IL7: variants seen among roughly 807,000 people sequenced by gnomAD.
IL7 encodes interleukin 7.
A neutral mutation model predicts 21.6 loss-of-function variants in IL7; 3 were observed. That is an observed-to-expected ratio of 0.14 (90% confidence interval 0.06 to 0.36). The LOEUF (loss-of-function observed/expected upper bound fraction) is 0.36, where lower values mean the gene tolerates loss of function less well. Among genes scored for constraint, IL7 ranks in the 10% least tolerant of loss-of-function variants. IL7 has a pLI of 1.00. For synonymous variants in IL7, 62 were observed against 68.1 expected (o/e 0.91, Z 0.44); for missense variants, 175 against 200.2 (o/e 0.87, Z 0.76).
chr8:78,804,254 G>A (rs1419050285), intron 1 of IL7, among the ~76,000 whole-genome samples: 1 of 151,990 alleles, frequency 6.6e-6, no homozygotes, highest in Non-Finnish European at 1.5e-5. Context: ...ATCAAGAAGC[G>A]CCCGTAGGAA....
At chr8:78,729,197 A>G (rs1174066717), downstream of IL7, among the ~76,000 whole-genome samples, 2 of 151,906 alleles carry the variant, frequency 1.3e-5, no homozygotes, top group African/African-American at 4.8e-5. Flanking sequence ...CTAAAATACC[A>G]CCTTTCTCCA....
intron 5 of IL7, among the ~76,000 whole-genome samples, chr8:78,734,915 T>C (rs940020721): frequency 2.0e-4 from 30 of 152,282 alleles, no homozygotes; most frequent in Non-Finnish European, 2.9e-4. Context: ...CAAGTAAATA[T>C]AATGACTGAA....
downstream of IL7, among the ~76,000 whole-genome samples, chr8:78,716,146 G>A (rs577092956): frequency 1.4e-4 from 21 of 149,460 alleles, no homozygotes; most frequent in Non-Finnish European, 2.4e-4. Flanking sequence ...TTTTTAAGAC[G>A]GAGTCTCGCT....
chr8:78,707,792 C>CAT (rs1346055719), intron 3 of IL7, among the ~76,000 whole-genome samples: 1 of 151,742 alleles, frequency 6.6e-6, no homozygotes, highest in Non-Finnish European at 1.5e-5. Context: ...CATTGTGTTA[C>CAT]TGTATTAAAT....
chr8:78,802,680 ACCT>A (rs1490949892), intron 1 of IL7, among the ~76,000 whole-genome samples: 1 of 152,030 alleles, frequency 6.6e-6, no homozygotes. Flanking sequence ...TGATCTGCCC[ACCT>A]CAGCCTCCCC....
chr8:78,764,213 T>C (rs1242195634), intron 2 of IL7, among the ~76,000 whole-genome samples: 2 of 152,182 alleles, frequency 1.3e-5, no homozygotes, highest in Middle Eastern at 3.4e-3. Context: ...AAAGGACATC[T>C]ACAAAAGTCC....
chr8:78,710,473 C>T lies in IL7; in HGVS notation n.214+10875G>A, dbSNP rs375020476. Among the ~76,000 whole-genome samples, 5 of 151,862 alleles carry T rather than the reference C, an allele frequency of 3.3e-5. No individual in the cohort carries two copies. The South Asian group carries it at 8.3e-4, about 25-fold the overall frequency. ...TTTTTATTATATTTTACACATCTTT[C>T]TTGAACTGAACTTTGTTGTATCACA... On this transcript the variant is annotated intron_variant and non_coding_transcript_variant, in intron 3 of 4. Coordinates refer to the IL7 transcript ENST00000523959.
At chr8:78,734,367 C>T (rs1030289329) in intron 5 of IL7, among the ~76,000 whole-genome samples, 3 of 152,110 alleles carry the variant, frequency 2.0e-5, no homozygotes, top group Non-Finnish European at 4.4e-5. Context: ...GCTACCTGTA[C>T]AACCTGTAGG....
At position 78,724,773 on chromosome 8, in the gene IL7, C is replaced by T. The variant is rs377315854; in HGVS notation, n.268-3333G>A. Among the ~76,000 whole-genome samples the T allele has an allele frequency of 6.5e-4, 99 of 152,076 alleles. No homozygotes were observed. The Middle Eastern group carries it at 0.01, about 16-fold the overall frequency. ...TGAGGCAGTCTATTCTCATGCCGTT[C>T]CCTTTTAGTAAACACTGTCATGTTT... On this transcript the variant is annotated intron_variant and non_coding_transcript_variant, in intron 3 of 6. Coordinates refer to the IL7 transcript ENST00000519833.
At chr8:78,767,270 C>G (rs1351613248) in intron 2 of IL7, among the ~76,000 whole-genome samples, 2 of 151,298 alleles carry the variant, frequency 1.3e-5, no homozygotes, top group Non-Finnish European at 3.0e-5. Flanking sequence ...ACAGTGTGAA[C>G]AAGTGAGTGT....
chr8:78,791,541 G>C lies in IL7; in HGVS notation c.147+6531C>G, dbSNP rs1272583101. Among the ~76,000 whole-genome samples the C allele has an allele frequency of 2.0e-5, 3 of 152,188 alleles. No homozygotes were observed. The East Asian group carries it at 5.8e-4, about 29-fold the overall frequency. On this transcript the variant is annotated intron_variant, in intron 2 of 5. Transcript: ENST00000263851. ...TGTAATCCTAGCTACTTGGTAGGCA[G>C]AAGCACAAGAATTGCTTGAACCTGG... is the stretch of plus-strand genomic sequence containing the variant.
At chr8:78,723,742 A>G (rs892031221) in intron 3 of IL7, 4 of 193,732 alleles carry the variant, frequency 2.1e-5, no homozygotes, top group Admixed American at 1.1e-4. Flanking sequence ...TGCAAATATC[A>G]TATATGAGGA....
intron 3 of IL7, 43 bp from the exon 4 acceptor site, chr8:78,738,678 T>C: frequency 2.5e-6 from 4 of 1,578,904 alleles, no homozygotes; most frequent in Non-Finnish European, 3.4e-6. Context: ...TCAAATAAAA[T>C]ATTAAGAAAT....
intron 3 of IL7, among the ~76,000 whole-genome samples, chr8:78,697,985 T>C (rs1810485254): frequency 6.6e-6 from 1 of 152,144 alleles, no homozygotes; most frequent in South Asian, 2.1e-4. Flanking sequence ...CGAGCCACTT[T>C]TTTGTTGTTT....
At chr8:78,701,126 A>C (rs1271078574) in intron 3 of IL7, among the ~76,000 whole-genome samples, 1 of 152,240 alleles carries the variant, frequency 6.6e-6, no homozygotes, top group East Asian at 1.9e-4. Context: ...ATCCATGAGC[A>C]TGGAATATTT....
intron 6 of IL7, chr8:78,718,690 T>G (rs761550002): frequency 3.3e-5 from 5 of 151,874 alleles, no homozygotes; most frequent in Non-Finnish European, 7.4e-5. Flanking sequence ...TTTAATTATT[T>G]TTTTCTCTTT....
At position 78,797,635 on chromosome 8, in the gene IL7, A is replaced by G. The variant is rs534794710; in HGVS notation, c.147+437T>C. Among the ~76,000 whole-genome samples the G allele has an allele frequency of 3.9e-5, 6 of 152,096 alleles. No individual in the cohort carries two copies. In the South Asian group the frequency reaches 1.2e-3, roughly 32 times the overall value. On this transcript the variant is annotated intron_variant, in intron 2 of 5. Coordinates refer to ENST00000263851, the MANE Select transcript of IL7 (RefSeq NM_000880.4). Reference sequence around the variant, plus strand: ...CAAATTATTGATTACACATAGATATAAAATACACACATATAAATAACTATG... The same window carrying G: ...CAAATTATTGATTACACATAGATATGAAATACACACATATAAATAACTATG...
chr8:78,712,591 T>TTGTAAATTC (rs1810985145), intron 3 of IL7, among the ~76,000 whole-genome samples: 1 of 152,136 alleles, frequency 6.6e-6, no homozygotes, highest in Non-Finnish European at 1.5e-5. Context: ...TGTTAGATGG[T>TTGTAAATTC]TGTAAATTCT....
intron 2 of IL7, chr8:78,762,295 T>A (rs943771776): frequency 6.1e-5 from 97 of 1,594,142 alleles, no homozygotes; most frequent in Non-Finnish European, 7.7e-5. Context: ...GTGTTTTATC[T>A]TCTAAGTCTG....
Sources: allele counts gnomAD v4.1 joint callset (sites outside exome capture counted in the v4.1 genomes callset), GRCh38; gene constraint gnomAD v4.1.1; transcripts MANE v1.5; gene names NCBI Gene and HGNC (gene_info 2026-07-23, HGNC 2026-07-21).